A1CF: variants seen among roughly 807,000 people sequenced by gnomAD.
The protein encoded by A1CF is APOBEC1 complementation factor.
A1CF carries 48 observed loss-of-function variants against 68.9 expected under a neutral mutation model. The ratio of observed to expected loss-of-function variants is 0.70; its 90% confidence interval spans 0.55 to 0.89. A1CF has a LOEUF of 0.89. Ranked by LOEUF, A1CF falls within the 40% of genes least tolerant of loss-of-function variation. A1CF has a pLI of 0.00. For missense variants in A1CF, 653 were observed against 718.9 expected (o/e 0.91, Z 1.05); for synonymous variants, 272 against 260.4 (o/e 1.04, Z -0.43).
intron 3 of A1CF, among the ~76,000 whole-genome samples, chr10:50,854,057 G>A (rs1589023810): frequency 6.6e-6 from 1 of 151,858 alleles, no homozygotes; most frequent in Non-Finnish European, 1.5e-5. Context: ...TAATAATAAA[G>A]TTTTTTTCCA....
At chr10:50,810,800 A>T (rs1387272635) in intron 11 of A1CF, among the ~76,000 whole-genome samples, 1 of 152,158 alleles carries the variant, frequency 6.6e-6, no homozygotes. Context: ...ATTTTACACT[A>T]CTGACTGTTA....
chr10:50,871,156 T>C (rs1221640491), intron 1 of A1CF, among the ~76,000 whole-genome samples: 2 of 151,776 alleles, frequency 1.3e-5, no homozygotes, highest in African/African-American at 4.8e-5. Flanking sequence ...CCACAATCAT[T>C]TATTCTCATT....
At position 50,801,964 on chromosome 10, in the gene A1CF, T is replaced by C. The variant is rs1380949054; in HGVS notation, c.*4765A>G. 6 of 152,312 alleles carry C rather than the reference T, an allele frequency of 3.9e-5. No individual in the cohort carries two copies. In the East Asian group the frequency reaches 1.2e-3, roughly 29 times the overall value. The allele number at this position is 152,312 out of a possible 1,614,324, so 9.4% of individuals were successfully genotyped here. A position where few individuals can be genotyped will look rare whatever the true frequency, so the allele number is the denominator to read the frequency against. On this transcript the variant is annotated 3_prime_UTR_variant, in exon 13 of 13. Coordinates refer to ENST00000373997, the MANE Select transcript of A1CF (RefSeq NM_014576.4). ...GAGCCTACATATACATTGCTATCTA[T>C]ATTAAACCTATGCATTCTATTTTCT...
At chr10:50,839,652 TC>T (rs1424891508) in intron 5 of A1CF, among the ~76,000 whole-genome samples, 2 of 152,224 alleles carry the variant, frequency 1.3e-5, no homozygotes, top group African/African-American at 4.8e-5. Context: ...TTATGTTTTC[TC>T]CAAGACTCTT....
Position 50,806,610 on chromosome 10 carries a change from A to G in A1CF, c.*119T>C. ...TGGTATAAGCTATACAGTCTCTGGA[A>G]AGGCATTTCTTTAGGAAACATATTA... On this transcript the variant is annotated 3_prime_UTR_variant, in exon 13 of 13. Transcript: ENST00000373997. The G allele has an allele frequency of 1.1e-6, 1 of 896,964 alleles. No individual in the cohort carries two copies. The highest frequency in any genetic ancestry group is 1.6e-6 in the Non-Finnish European group (1 of 632,694). The allele number at this position is 896,964 out of a possible 1,614,324, so 55.6% of individuals were successfully genotyped here.
At chr10:50,807,817 T>G (rs1288628774) in intron 12 of A1CF, among the ~76,000 whole-genome samples, 2 of 152,232 alleles carry the variant, frequency 1.3e-5, no homozygotes, top group Admixed American at 6.5e-5. Context: ...ATTGTTGTTT[T>G]AAACCCCATT....
At chr10:50,866,161 G>A (rs1211166500) in intron 1 of A1CF, among the ~76,000 whole-genome samples, 2 of 152,126 alleles carry the variant, frequency 1.3e-5, no homozygotes, top group Admixed American at 1.3e-4. Flanking sequence ...TTTTATATAA[G>A]AAATTGATTT....
At chr10:50,869,980 T>C (rs1841172792) in intron 1 of A1CF, among the ~76,000 whole-genome samples, 1 of 152,006 alleles carries the variant, frequency 6.6e-6, no homozygotes, top group South Asian at 2.1e-4. Flanking sequence ...TATCATACTT[T>C]TCATGAAGAT....
chr10:50,804,521 A>G lies in A1CF; in HGVS notation c.*2208T>C, dbSNP rs1365106227. 1 of 152,164 alleles carries G rather than the reference A, an allele frequency of 6.6e-6. No homozygotes were observed. Among genetic ancestry groups the G allele is most frequent in the Non-Finnish European group, 1.5e-5 (1 of 68,000 alleles). The allele number at this position is 152,164 out of a possible 1,614,324, so 9.4% of individuals were successfully genotyped here. ...ACTCAGTAGAAATTTGCCTGCCCCAATGGACATTTGTTATGTCAATGTAAT... is the reference window on the plus strand; with the variant it reads ...ACTCAGTAGAAATTTGCCTGCCCCAGTGGACATTTGTTATGTCAATGTAAT... On this transcript the variant is annotated 3_prime_UTR_variant, in exon 13 of 13. Coordinates refer to ENST00000373997, the MANE Select transcript of A1CF (RefSeq NM_014576.4).
chr10:50,875,913 T>C (rs1841491512), intron 1 of A1CF, among the ~76,000 whole-genome samples: 1 of 152,220 alleles, frequency 6.6e-6, no homozygotes, highest in Non-Finnish European at 1.5e-5. Context: ...CCCCTTAACC[T>C]GACATTCAGT....
In A1CF at chr10:50,801,883, T is replaced by G. The variant is rs59030524; in HGVS notation, c.*4846A>C. 2.0e-5 allele frequency: 3 copies of G among 152,132 alleles called. No homozygotes were observed. The allele number at this position is 152,132 out of a possible 1,614,324, so 9.4% of individuals were successfully genotyped here. A position where few individuals can be genotyped will look rare whatever the true frequency, so the allele number is the denominator to read the frequency against. On this transcript the variant is annotated 3_prime_UTR_variant, in exon 13 of 13. Coordinates refer to ENST00000373997, the MANE Select transcript of A1CF (RefSeq NM_014576.4). ...GAGAGTACAAGGTTTTCTTTTAGCTTTCCTACAAAACCAAGGAGAACTGGG... is the reference window on the plus strand; with the variant it reads ...GAGAGTACAAGGTTTTCTTTTAGCTGTCCTACAAAACCAAGGAGAACTGGG...
At chr10:50,881,633 A>T (rs983054752) in intron 1 of A1CF, among the ~76,000 whole-genome samples, 4 of 152,234 alleles carry the variant, frequency 2.6e-5, no homozygotes, top group Admixed American at 2.6e-4. Context: ...AAAACAATGA[A>T]TAGTTTTTAA....
At position 50,861,051 on chromosome 10, in the gene A1CF, G is replaced by C. The variant is rs115554803; in HGVS notation, c.-45-1066C>G. Among the ~76,000 whole-genome samples the C allele has an allele frequency of 8.5e-3, 1,293 of 152,222 alleles. 16 individuals are homozygous for C. The highest frequency in any genetic ancestry group is 0.03 in the African/African-American group (1,230 of 41,528). On this transcript the variant is annotated intron_variant, in intron 2 of 12. Transcript: ENST00000373997. ...ATATAGGTACTTTTGAAAATTTTCT[G>C]TCATATGCGTTGAGAATTCCTGTAC...
At chr10:50,834,441 G>T (rs889405013) in intron 6 of A1CF, among the ~76,000 whole-genome samples, 1 of 152,146 alleles carries the variant, frequency 6.6e-6, no homozygotes, top group African/African-American at 2.4e-5. Context: ...AGGAATAAAC[G>T]AGACAGACAT....
intron 10 of A1CF, among the ~76,000 whole-genome samples, chr10:50,812,760 T>C (rs541262943): frequency 6.6e-6 from 1 of 152,298 alleles, no homozygotes; most frequent in African/African-American, 2.4e-5. Flanking sequence ...ATGATAAGGA[T>C]TTTGTTATAT....
intron 3 of A1CF, among the ~76,000 whole-genome samples, chr10:50,848,437 C>G (rs1010262350): frequency 6.6e-6 from 1 of 152,310 alleles, no homozygotes; most frequent in Admixed American, 6.5e-5. Flanking sequence ...TTATCAGCCT[C>G]ATAAATCCTC....
At chr10:50,851,851 G>A (rs1840259795) in intron 3 of A1CF, among the ~76,000 whole-genome samples, 1 of 152,144 alleles carries the variant, frequency 6.6e-6, no homozygotes, top group Non-Finnish European at 1.5e-5. Context: ...TGTTACAAAG[G>A]ATCACAGCTG....
chr10:50,883,465 G>A lies in A1CF; in HGVS notation c.-94+2116C>T, dbSNP rs190527128. 2.1e-4 allele frequency among the ~76,000 whole-genome samples: 32 copies of A among 152,212 alleles called. No individual in the cohort carries two copies. In the South Asian group the frequency reaches 3.1e-3, roughly 15 times the overall value. ...AGGCACAAAGCCTAGTGTTCTTTCCGTAATTAATTTTAAAAGTTTCTCAGA... is the reference window on the plus strand; with the variant it reads ...AGGCACAAAGCCTAGTGTTCTTTCCATAATTAATTTTAAAAGTTTCTCAGA... On this transcript the variant is annotated intron_variant, in intron 1 of 12. Transcript: ENST00000373997.
chr10:50,861,035 C>T (rs1840721728), intron 2 of A1CF, among the ~76,000 whole-genome samples: 2 of 152,112 alleles, frequency 1.3e-5, no homozygotes, highest in African/African-American at 2.4e-5. Context: ...AATATAGGTA[C>T]TTTTGAAAAT....
Sources: allele counts gnomAD v4.1 joint callset (sites outside exome capture counted in the v4.1 genomes callset), GRCh38; gene constraint gnomAD v4.1.1; transcripts MANE v1.5; gene names NCBI Gene and HGNC (gene_info 2026-07-23, HGNC 2026-07-21).